KMT2A: variants seen among roughly 807,000 people sequenced by gnomAD.
KMT2A encodes the protein lysine methyltransferase 2A, also known as histone-lysine N-methyltransferase 2A.
In KMT2A, 16 loss-of-function variants were observed where a neutral mutation model predicts 345.3. The ratio of observed to expected loss-of-function variants is 0.05; its 90% CI spans 0.03 to 0.07. The LOEUF is 0.07. Ranked by LOEUF, KMT2A falls within the 10% of genes least tolerant of loss-of-function variation. The probability of loss-of-function intolerance (pLI) is 1.00; values close to 1 mark genes in which losing one functional copy is unlikely to be tolerated. For missense variants in KMT2A, 3,272 were observed against 4,841.6 expected (o/e 0.68, Z 9.62); for synonymous variants, 1,599 against 1,778.6 (o/e 0.90, Z 2.54).
chr11:118,471,303 C>T (rs887015376), intron 2 of KMT2A, among the ~76,000 whole-genome samples: 7 of 152,106 alleles, frequency 4.6e-5, no homozygotes, highest in South Asian at 2.1e-4. Context: ...TAGGATATGG[C>T]GAGGAAGTTC....
chr11:118,457,769 A>C (rs1411678982), intron 1 of KMT2A, among the ~76,000 whole-genome samples: 1 of 150,520 alleles, frequency 6.6e-6, no homozygotes, highest in Non-Finnish European at 1.5e-5. Context: ...TTAAGTTTTC[A>C]TCCTCTCTGC....
In KMT2A at chr11:118,523,065, A is replaced by G. The variant is rs782334550; in HGVS notation, c.*893A>G. ...GGGAAGTGGACAGGAGCCATTGGTC[A>G]TAACCAGACAGAATTTGGAAACATT... On this transcript the variant is annotated 3_prime_UTR_variant, in exon 36 of 36. Coordinates refer to ENST00000534358, the MANE Select transcript of KMT2A (RefSeq NM_001197104.2). 1.8e-5 allele frequency: 4 copies of G among 219,482 alleles called. No homozygotes were observed. The highest frequency in any genetic ancestry group is 2.7e-5 in the Non-Finnish European group (3 of 109,340). The allele number at this position is 219,482 out of a possible 1,614,324, so 13.6% of individuals were successfully genotyped here.
chr11:118,470,441 A>T (rs1159364505), intron 2 of KMT2A, among the ~76,000 whole-genome samples: 1 of 152,028 alleles, frequency 6.6e-6, no homozygotes, highest in East Asian at 1.9e-4. Context: ...TCTACCTTGA[A>T]TGTTGTCTTG....
In KMT2A at chr11:118,476,270, G is replaced by C. The variant is rs139222320; in HGVS notation, c.3157-535G>C. Among the ~76,000 whole-genome samples the C allele has an allele frequency of 2.6e-3, 403 of 152,302 alleles. 2 individuals are homozygous for C. Among genetic ancestry groups the C allele is most frequent in the African/African-American group, 9.4e-3 (389 of 41,562 alleles). ...AAGGAAATATAAGAAATAGTTTTTG[G>C]TTAGATAAGCCGTATTTATACCACA... On this transcript the variant is annotated intron_variant, in intron 3 of 35. Transcript: ENST00000534358. The surrounding 1 kb of genome is among the most constrained non-coding windows in gnomAD (Gnocchi z 4.1).
At position 118,503,766 on chromosome 11, in the gene KMT2A, G is replaced by A. The variant is rs1555046870; in HGVS notation, c.7874G>A (p.Arg2625His). Residue 2625 changes from arginine (R) to histidine (H), a missense_variant, in exon 27 of 36, where the codon CGT becomes CAT. Transcript: ENST00000534358. This position sits in a 1 kb window ranked among gnomAD's most constrained non-coding sequence, Gnocchi z 5.3. ...FKRRYPRRSA[R>H]ARSNMFFGLT... ...AGGAGGTATCCCCGTCGCAGTGCCC[G>A]TGCACGTTCTAACATGTTTTTTGGG... The A allele has an allele frequency of 6.2e-7, 1 of 1,614,162 alleles. No individual in the cohort carries two copies. Among genetic ancestry groups the A allele is most frequent in the Non-Finnish European group, 8.5e-7 (1 of 1,180,034 alleles).
intron 31 of KMT2A, among the ~76,000 whole-genome samples, chr11:118,517,459 TTCTTA>T (rs1278676383): frequency 6.6e-6 from 1 of 151,232 alleles, no homozygotes; most frequent in African/African-American, 2.4e-5. Context: ...ATGGCTTAAG[TTCTTA>T]TCTTATACAG....
In KMT2A at chr11:118,491,295, G is replaced by C; in HGVS notation, c.4796G>C (p.Cys1599Ser). Reference sequence around the variant, plus strand: ...TGTGATCGCTGGGTCCATTCCAAATGTGAGAATCTTTCAGGTACAGAAGGT... The same window carrying C: ...TGTGATCGCTGGGTCCATTCCAAATCTGAGAATCTTTCAGGTACAGAAGGT... ...GKCDRWVHSK[C>S]ENLSGTEDEM... Residue 1599 changes from cysteine (C) to serine (S), a missense_variant, in exon 14 of 36, where the codon TGT becomes TCT. This residue lies in a region of KMT2A where 120 missense variants were observed against 280.4 expected (regional missense o/e 0.43). Coordinates refer to ENST00000534358, the MANE Select transcript of KMT2A (RefSeq NM_001197104.2). This position sits in a 1 kb window ranked among gnomAD's most constrained non-coding sequence, Gnocchi z 4.2. The C allele has an allele frequency of 6.2e-7, 1 of 1,613,896 alleles. No homozygotes were observed. Among genetic ancestry groups the C allele is most frequent in the Non-Finnish European group, 8.5e-7 (1 of 1,179,890 alleles).
chr11:118,483,296 G>A (rs1465874188), intron 8 of KMT2A, among the ~76,000 whole-genome samples: 3 of 151,546 alleles, frequency 2.0e-5, no homozygotes, highest in Non-Finnish European at 4.4e-5. Context: ...ACTTTGGGAG[G>A]CCGAGGCGGG....
intron 12 of KMT2A, 41 bp downstream of exon 12, chr11:118,489,928 T>C: frequency 6.4e-7 from 1 of 1,550,490 alleles, no homozygotes; most frequent in Non-Finnish European, 8.9e-7. Flanking sequence ...AGAACCACCA[T>C]GTGACTATTG....
Position 118,478,016 on chromosome 11 carries a change from C to A in KMT2A, c.3384C>A (p.Pro1128=). ...GSEDAEPLAP[P]IKPIKPVTRN... Reference sequence around the variant, plus strand: ...AAGATGCTGAACCTCTTGCTCCACCCATCAAACCAATTAAACCTGTCACTA... The same window carrying A: ...AAGATGCTGAACCTCTTGCTCCACCAATCAAACCAATTAAACCTGTCACTA... The change falls in exon 5 of 36, where the codon CCC becomes CCA. Residue 1128 remains proline, a synonymous_variant. Transcript: ENST00000534358. The A allele has an allele frequency of 6.2e-7, 1 of 1,614,114 alleles. No individual in the cohort carries two copies. The highest frequency in any genetic ancestry group is 8.5e-7 in the Non-Finnish European group (1 of 1,180,020).
In KMT2A at chr11:118,444,366, G is replaced by A. The variant is rs557143783; in HGVS notation, c.432+7422G>A. ...ACATCTCTTTAAGCTTAGCTAATGAGGAAATCCTTTTGTAATCTCTTTGGC... is the reference window on the plus strand; with the variant it reads ...ACATCTCTTTAAGCTTAGCTAATGAAGAAATCCTTTTGTAATCTCTTTGGC... On this transcript the variant is annotated intron_variant, in intron 1 of 35. Coordinates refer to ENST00000534358, the MANE Select transcript of KMT2A (RefSeq NM_001197104.2). Among the ~76,000 whole-genome samples, 5 of 152,274 alleles carry A rather than the reference G, an allele frequency of 3.3e-5. No homozygotes were observed. In the South Asian group the frequency reaches 1.0e-3, roughly 32 times the overall value.
At chr11:118,452,121 A>C (rs1241068435) in intron 1 of KMT2A, among the ~76,000 whole-genome samples, 1 of 152,170 alleles carries the variant, frequency 6.6e-6, no homozygotes, top group Non-Finnish European at 1.5e-5. Flanking sequence ...CATGTATTAC[A>C]GACTTGAAAT....
chr11:118,458,797 G>T (rs370430917), intron 1 of KMT2A, among the ~76,000 whole-genome samples: 4 of 152,222 alleles, frequency 2.6e-5, no homozygotes, highest in African/African-American at 9.6e-5. Context: ...CAAAGGGGAA[G>T]TGGTATTCTT....
intron 10 of KMT2A, among the ~76,000 whole-genome samples, chr11:118,486,665 G>A (rs995473167): frequency 3.9e-4 from 60 of 152,146 alleles, no homozygotes; most frequent in African/African-American, 1.4e-3. Flanking sequence ...TTGAGCTCAG[G>A]AGTTCAAGAC....
Position 118,496,332 on chromosome 11 carries a change from G to A in KMT2A, c.5629G>A (p.Ala1877Thr). ...PPGIEDNRQC[A>T]LCLTYGDDSA... is the part of the protein sequence containing the mutation. ...AGGCATAGAAGACAATAGACAGTGT[G>A]CGTTATGTTTGACTTATGGTGATGA... Residue 1877 changes from alanine to threonine, a missense_variant, in exon 20 of 36, where the codon GCG becomes ACG. By Grantham distance (58) the Ala-to-Thr change is moderately conservative. Transcript: ENST00000534358. The surrounding 1 kb of genome is among the most constrained non-coding windows in gnomAD (Gnocchi z 4.7). 1 of 1,613,790 alleles carries A rather than the reference G, an allele frequency of 6.2e-7. No homozygotes were observed. The highest frequency in any genetic ancestry group is 8.5e-7 in the Non-Finnish European group (1 of 1,179,774).
At position 118,505,985 on chromosome 11, in the gene KMT2A, G is replaced by A. The variant is rs375852658; in HGVS notation, c.10093G>A (p.Val3365Ile). 23 of 1,614,012 alleles carry A rather than the reference G, an allele frequency of 1.4e-5. No homozygotes were observed. The highest frequency in any genetic ancestry group is 1.6e-4 in the Middle Eastern group (1 of 6,084). The change falls in exon 27 of 36, where the codon GTC becomes ATC. Residue 3365 changes from valine (V) to isoleucine (I), a missense_variant. Physicochemically the swap from Val to Ile is conservative, Grantham distance 29. Coordinates refer to ENST00000534358, the MANE Select transcript of KMT2A (RefSeq NM_001197104.2). The surrounding 1 kb of genome is among the most constrained non-coding windows in gnomAD (Gnocchi z 4.6). ...PTSSASVPGHVTLTNPRLLGT... is the reference protein window; with the variant it reads ...PTSSASVPGHITLTNPRLLGT... Reference sequence around the variant, plus strand: ...AAGTAGTGCGTCAGTTCCAGGACACGTCACCTTAACCAACCCAAGGTTGCT... The same window carrying A: ...AAGTAGTGCGTCAGTTCCAGGACACATCACCTTAACCAACCCAAGGTTGCT...
rs1950999018 is a variant in KMT2A, at chr11:118,522,799, G to C, written c.*627G>C. 1 of 214,250 alleles carries C rather than the reference G, an allele frequency of 4.7e-6. No individual in the cohort carries two copies. Among genetic ancestry groups the C allele is most frequent in the East Asian group, 6.9e-5 (1 of 14,414 alleles). The allele number at this position is 214,250 out of a possible 1,614,324, so 13.3% of individuals were successfully genotyped here. A position where few individuals can be genotyped will look rare whatever the true frequency, so the allele number is the denominator to read the frequency against. On this transcript the variant is annotated 3_prime_UTR_variant, in exon 36 of 36. Coordinates refer to ENST00000534358, the MANE Select transcript of KMT2A (RefSeq NM_001197104.2). The surrounding 1 kb of genome is among the most constrained non-coding windows in gnomAD (Gnocchi z 5.4). The stretch of plus-strand genomic sequence containing the variant: ...ACCAAACATTGAGCCTGCAGGCTTT[G>C]AGTGGGAGTGTTGCCCCCAGGAGCC...
chr11:118,521,461 T>C lies in KMT2A; in HGVS notation c.11643+44T>C, dbSNP rs1456377925. 1 of 1,607,964 alleles carries C rather than the reference T, an allele frequency of 6.2e-7. No individual in the cohort carries two copies. The highest frequency in any genetic ancestry group is 1.3e-5 in the African/African-American group (1 of 74,812). The stretch of plus-strand genomic sequence containing the variant: ...CTCACACAGTTCTTTTGTTTTGCTG[T>C]AGAAAGGGACCAGTATGACCCCTGG... On this transcript the variant is annotated intron_variant, in intron 35 of 35. Transcript: ENST00000534358. This position sits in a 1 kb window ranked among gnomAD's most constrained non-coding sequence, Gnocchi z 5.3.
chr11:118,446,275 G>A (rs1555027168), intron 1 of KMT2A, among the ~76,000 whole-genome samples: 1 of 152,090 alleles, frequency 6.6e-6, no homozygotes, highest in African/African-American at 2.4e-5. Context: ...CTTGAACCCG[G>A]GAGGCAGAGG....
Sources: allele counts gnomAD v4.1 joint callset (sites outside exome capture counted in the v4.1 genomes callset), GRCh38; gene constraint gnomAD v4.1.1; regional missense constraint gnomAD v4.1.1; non-coding constraint Gnocchi (gnomAD v3.1); transcripts MANE v1.5; gene names NCBI Gene and HGNC (gene_info 2026-07-23, HGNC 2026-07-21).